Variants in PRRC1 observed in about 807,000 individuals in gnomAD.
PRRC1 encodes protein PRRC1.
PRRC1 carries 39 observed loss-of-function variants against 40.7 expected under a neutral mutation model. The observed-to-expected ratio is 0.96, with a 90% CI of 0.74 to 1.25. The LOEUF is 1.25. Among genes scored for constraint, PRRC1 ranks in the 50% most tolerant of loss-of-function variants. The pLI is 0.00. For synonymous variants in PRRC1, 175 were observed against 193.3 expected (o/e 0.91, Z 0.79); for missense variants, 573 against 548.3 (o/e 1.05, Z -0.45).
chr5:127,530,447 TC>T, intron 5 of PRRC1, 51 bp downstream of exon 5: 1 of 1,167,246 alleles, frequency 8.6e-7, no homozygotes, highest in Non-Finnish European at 1.3e-6. Flanking sequence ...TAAGGGTATG[TC>T]CACATCAGCC....
chr5:127,523,565 C>G lies in PRRC1; in HGVS notation c.86C>G (p.Ser29Cys), dbSNP rs1349021311. 7 of 1,610,456 alleles carry G rather than the reference C, an allele frequency of 4.3e-6. No individual in the cohort carries two copies. The East Asian group carries it at 8.9e-5, about 21-fold the overall frequency. The change falls in exon 2 of 9, where the codon TCT (serine) becomes TGT (cysteine). Residue 29 changes from serine to cysteine, a missense_variant. Physicochemically the swap from Ser to Cys is moderately radical, Grantham distance 112 (BLOSUM62 -1). Coordinates refer to ENST00000296666, the MANE Select transcript of PRRC1 (RefSeq NM_130809.5). ...GGGCTGGCTGCTACTGCTATGTCTT[C>G]TACCCCTGTTCCATTAGGTACATGT... The part of the protein sequence containing the change: ...PAGLAATAMS[S>C]TPVPLAATSS...
chr5:127,547,363 A>G (rs1307050486), intron 7 of PRRC1, among the ~76,000 whole-genome samples: 1 of 151,970 alleles, frequency 6.6e-6, no homozygotes, highest in East Asian at 1.9e-4. Flanking sequence ...ATTTGTTATT[A>G]TTTCCTCTGA....
At chr5:127,544,595 T>G (rs900589968) in intron 7 of PRRC1, among the ~76,000 whole-genome samples, 3 of 152,142 alleles carry the variant, frequency 2.0e-5, no homozygotes, top group African/African-American at 7.2e-5. Context: ...CGGGCGCCCC[T>G]CCCGCAGCCT....
rs1419279316 is a variant in PRRC1, at chr5:127,552,726, A to G, written c.*810A>G. On this transcript the variant is annotated 3_prime_UTR_variant, in exon 9 of 9. Coordinates refer to ENST00000296666, the MANE Select transcript of PRRC1 (RefSeq NM_130809.5). ...GTACTTCCAAGAATAAGCTCTGACA[A>G]CAGCCATTGTTTCTGCTTCCACTCA... is the stretch of plus-strand genomic sequence containing the variant. 2.0e-6 allele frequency: 2 copies of G among 983,854 alleles called. No individual in the cohort carries two copies. Among genetic ancestry groups the G allele is most frequent in the African/African-American group, 1.7e-5 (1 of 57,208 alleles). 60.9% of individuals were successfully genotyped at this position (983,854 alleles called of 1,614,324 possible). A position where few individuals can be genotyped will look rare whatever the true frequency, so the allele number is the denominator to read the frequency against.
intron 6 of PRRC1, among the ~76,000 whole-genome samples, chr5:127,535,155 G>T (rs1767865400): frequency 6.6e-6 from 1 of 152,144 alleles, no homozygotes. Context: ...TTTGTTTTAT[G>T]CCTCTTTCTG....
Position 127,553,955 on chromosome 5 carries a change from T to C in PRRC1, c.*2039T>C. Reference sequence around the variant, plus strand: ...TGGTCAGATGGAAGAGAGAAATACATGAACTGCTCTGGCCTCTCTGGTTCT... The same window carrying C: ...TGGTCAGATGGAAGAGAGAAATACACGAACTGCTCTGGCCTCTCTGGTTCT... On this transcript the variant is annotated 3_prime_UTR_variant, in exon 9 of 9. Coordinates refer to ENST00000296666, the MANE Select transcript of PRRC1 (RefSeq NM_130809.5). The C allele has an allele frequency of 6.6e-7, 1 of 1,516,908 alleles. No individual in the cohort carries two copies. The highest frequency in any genetic ancestry group is 8.8e-7 in the Non-Finnish European group (1 of 1,131,986). 94.0% of individuals were successfully genotyped at this position (1,516,908 alleles called of 1,614,324 possible).
At chr5:127,541,990 C>T (rs1383521799) in intron 7 of PRRC1, among the ~76,000 whole-genome samples, 13 of 151,828 alleles carry the variant, frequency 8.6e-5, no homozygotes, top group Non-Finnish European at 1.8e-4. Flanking sequence ...TTGGATCTTT[C>T]CTACTTTCTC....
chr5:127,533,735 T>G lies in PRRC1; in HGVS notation c.870T>G (p.Ala290=), dbSNP rs1209488188. ...GCTTAGCTGTGGTTGTAGGGGAAGC[T>G]GGACAGTCCAATATTGCCCCACAAC... ...VFGLAVVVGE[A]GQSNIAPQPV... is the part of the protein sequence containing the mutation. Residue 290 remains alanine (A), a synonymous_variant, in exon 6 of 9, where the codon GCT becomes GCG. Transcript: ENST00000296666. 1.2e-6 allele frequency: 2 copies of G among 1,614,124 alleles called. No individual in the cohort carries two copies. Among genetic ancestry groups the G allele is most frequent in the East Asian group, 4.5e-5 (2 of 44,864 alleles).
intron 7 of PRRC1, among the ~76,000 whole-genome samples, 190 bp downstream of exon 7, chr5:127,539,333 T>A (rs376369761): frequency 1.3e-5 from 2 of 152,232 alleles, no homozygotes; most frequent in African/African-American, 4.8e-5. Context: ...GTCTCTTTTT[T>A]AATTATAAAA....
intron 2 of PRRC1, 39 bp from the exon 3 acceptor site, chr5:127,524,492 T>G (rs531514236): frequency 6.5e-7 from 1 of 1,538,018 alleles, no homozygotes; most frequent in African/African-American, 1.4e-5. Context: ...TAAAAAACAT[T>G]TCTAATTCTG....
At chr5:127,542,760 A>G (rs1264200388) in intron 7 of PRRC1, among the ~76,000 whole-genome samples, 1 of 149,686 alleles carries the variant, frequency 6.7e-6, no homozygotes, top group African/African-American at 2.5e-5. Flanking sequence ...TTTTGAGCCT[A>G]TGTGTGTCTC....
intron 1 of PRRC1, among the ~76,000 whole-genome samples, chr5:127,522,816 G>A (rs1363112586): frequency 6.6e-6 from 1 of 151,890 alleles, no homozygotes; most frequent in Non-Finnish European, 1.5e-5. Context: ...TGTCACGCAG[G>A]CTGGAGTGCA....
At chr5:127,520,593 A>G (rs1257269562) in intron 1 of PRRC1, among the ~76,000 whole-genome samples, 3 of 152,222 alleles carry the variant, frequency 2.0e-5, no homozygotes, top group African/African-American at 7.2e-5. Flanking sequence ...CGATTTATGT[A>G]ACATTCATGG....
chr5:127,546,789 C>T (rs1169517450), intron 7 of PRRC1, among the ~76,000 whole-genome samples: 1 of 152,136 alleles, frequency 6.6e-6, no homozygotes, highest in East Asian at 1.9e-4. Flanking sequence ...TTTAGCTAAG[C>T]TCGACTTTAT....
chr5:127,541,029 T>A lies in PRRC1; in HGVS notation c.1025+1886T>A, dbSNP rs529581178. Among the ~76,000 whole-genome samples, 5 of 152,334 alleles carry A rather than the reference T, an allele frequency of 3.3e-5. No homozygotes were observed. In the South Asian group the frequency reaches 1.0e-3, roughly 32 times the overall value. ...TGGGTTTGTCATAGATAGCTCTTAT[T>A]ATTTTGAGATACGTCCCATCAGTAC... On this transcript the variant is annotated intron_variant, in intron 7 of 8. Transcript: ENST00000296666.
At chr5:127,534,341 T>C (rs1017666934) in intron 6 of PRRC1, among the ~76,000 whole-genome samples, 4 of 152,152 alleles carry the variant, frequency 2.6e-5, no homozygotes, top group African/African-American at 9.7e-5. Context: ...TATAACTTAA[T>C]GACCTATTTT....
chr5:127,532,517 T>C (rs1365199443), intron 5 of PRRC1, among the ~76,000 whole-genome samples: 1 of 152,108 alleles, frequency 6.6e-6, no homozygotes, highest in Non-Finnish European at 1.5e-5. Context: ...CATCACAAGC[T>C]GAAAAGCCAT....
Position 127,524,653 on chromosome 5 carries a change from C to T in PRRC1, c.226C>T (p.Pro76Ser). The change falls in exon 3 of 9, where the codon CCT becomes TCT. Residue 76 changes from proline to serine, a missense_variant. Physicochemically the swap from Pro to Ser is moderately conservative, Grantham distance 74. Transcript: ENST00000296666. ...VRPSAPLPFVPPPAVPSVPPL... is the reference protein window; with the variant it reads ...VRPSAPLPFVSPPAVPSVPPL... Reference sequence around the variant, plus strand: ...GCCTTCAGCACCATTACCTTTTGTGCCTCCTCCTGCAGTTCCTTCTGTCCC... The same window carrying T: ...GCCTTCAGCACCATTACCTTTTGTGTCTCCTCCTGCAGTTCCTTCTGTCCC... 1 of 1,614,132 alleles carries T rather than the reference C, an allele frequency of 6.2e-7. No individual in the cohort carries two copies. The highest frequency in any genetic ancestry group is 1.1e-5 in the South Asian group (1 of 91,068).
intron 6 of PRRC1, among the ~76,000 whole-genome samples, chr5:127,536,467 A>G: frequency 6.6e-6 from 1 of 152,094 alleles, no homozygotes; most frequent in South Asian, 2.1e-4. Context: ...AAGATTTCCC[A>G]AGAGGTTTTG....
Sources: allele counts gnomAD v4.1 joint callset (sites outside exome capture counted in the v4.1 genomes callset), GRCh38; gene constraint gnomAD v4.1.1; transcripts MANE v1.5; gene names NCBI Gene and HGNC (gene_info 2026-07-23, HGNC 2026-07-21).